Variants in VPS50 observed in about 807,000 individuals in gnomAD.
VPS50 encodes the protein VPS50 subunit of EARP/GARPII complex, also known as syndetin.
In VPS50, 70 loss-of-function variants were observed where a neutral mutation model predicts 139.7. The ratio of observed to expected loss-of-function variants is 0.50; its 90% CI spans 0.41 to 0.61. The LOEUF is 0.61. Among genes scored for constraint, VPS50 ranks in the 20% least tolerant of loss-of-function variants. The pLI, the probability that VPS50 is intolerant of heterozygous loss-of-function variation, is 0.00. For synonymous variants in VPS50, 365 were observed against 376.7 expected (o/e 0.97, Z 0.36); for missense variants, 921 against 1,133.7 (o/e 0.81, Z 2.69).
chr7:93,294,963 C>T (rs548610905), intron 14 of VPS50, among the ~76,000 whole-genome samples: 1 of 152,090 alleles, frequency 6.6e-6, no homozygotes, highest in East Asian at 1.9e-4. Context: ...TTTCATTTAT[C>T]TGTGTTTTCT....
Position 93,276,201 on chromosome 7 carries a change from G to A in VPS50, c.838G>A (p.Ala280Thr), listed in dbSNP as rs763920614. ...MDQLHMHFTQ[A>T]IHNTVFQVVL... ...TCAACTTCATATGCACTTCACCCAA[G>A]CCATTCACAACACCGTGTTTCAAGT... The change falls in exon 12 of 28, where the codon GCC becomes ACC. Residue 280 changes from alanine to threonine, a missense_variant. By Grantham distance (58) the Ala-to-Thr change is moderately conservative (BLOSUM62 0). Transcript: ENST00000305866. 4 of 1,613,252 alleles carry A rather than the reference G, an allele frequency of 2.5e-6. No individual in the cohort carries two copies. Among genetic ancestry groups the A allele is most frequent in the Non-Finnish European group, 2.5e-6 (3 of 1,179,528 alleles).
intron 27 of VPS50, among the ~76,000 whole-genome samples, chr7:93,357,928 C>G (rs73712849): frequency 0.014 from 2,086 of 151,860 alleles, 51 homozygotes; most frequent in African/African-American, 0.046. Context: ...TGTAGAGGGC[C>G]AGAAAAATAC....
At position 93,360,002 on chromosome 7, in the gene VPS50, A is replaced by C. The variant is rs1798800678; in HGVS notation, c.*1566A>C. The C allele has an allele frequency of 6.6e-6, 1 of 152,200 alleles. No homozygotes were observed. The highest frequency in any genetic ancestry group is 2.4e-5 in the African/African-American group (1 of 41,464). 9.4% of individuals were successfully genotyped at this position (152,200 alleles called of 1,614,324 possible). On this transcript the variant is annotated 3_prime_UTR_variant, in exon 28 of 28. Coordinates refer to ENST00000305866, the MANE Select transcript of VPS50 (RefSeq NM_017667.4). ...TGGCTAGATTATATACTTGTGAAGT[A>C]GATTCTGCCTGTAGCCATTATTTAT...
intron 12 of VPS50, among the ~76,000 whole-genome samples, chr7:93,285,050 G>C (rs747852151): frequency 1.8e-4 from 28 of 152,162 alleles, no homozygotes; most frequent in Non-Finnish European, 3.7e-4. Context: ...TTGACCAGCA[G>C]CATATTTTCA....
Position 93,258,227 on chromosome 7 carries a change from G to A in VPS50, c.491G>A (p.Arg164His), listed in dbSNP as rs201400427. ...SLGLLANQRKRQLLIGLLKSL... is the reference protein window; with the variant it reads ...SLGLLANQRKHQLLIGLLKSL... Reference sequence around the variant, plus strand: ...GGCCTTCTTGCAAATCAAAGGAAACGTCAGTTGCTGATTGGACTTCTGAAA... The same window carrying A: ...GGCCTTCTTGCAAATCAAAGGAAACATCAGTTGCTGATTGGACTTCTGAAA... The change falls in exon 7 of 28, where the codon CGT (arginine) becomes CAT (histidine). Residue 164 changes from arginine to histidine, a missense_variant. Physicochemically the swap from Arg to His is conservative, Grantham distance 29. This residue lies in a region of VPS50 where 744 missense variants were observed against 930.6 expected (regional missense o/e 0.80). Coordinates refer to ENST00000305866, the MANE Select transcript of VPS50 (RefSeq NM_017667.4). 3.6e-5 allele frequency: 58 copies of A among 1,601,274 alleles called. No homozygotes were observed. The highest frequency in any genetic ancestry group is 1.1e-4 in the African/African-American group (8 of 74,600).
intron 27 of VPS50, among the ~76,000 whole-genome samples, chr7:93,356,640 A>G (rs899724943): frequency 6.6e-6 from 1 of 152,146 alleles, no homozygotes; most frequent in Non-Finnish European, 1.5e-5. Context: ...GTATGACTAT[A>G]TAGATAACGA....
In VPS50 at chr7:93,354,968, A is replaced by G. The variant is rs575320333; in HGVS notation, c.2586-923A>G. ...GGGAAGATGACAGTGACAAGCTGAC[A>G]ACAGTCGTGGCACTCTGTATTGAAA... On this transcript the variant is annotated intron_variant, in intron 26 of 27. Coordinates refer to ENST00000305866, the MANE Select transcript of VPS50 (RefSeq NM_017667.4). Among the ~76,000 whole-genome samples, 135 of 152,312 alleles carry G rather than the reference A, an allele frequency of 8.9e-4. 2 individuals are homozygous for G. In the South Asian group the frequency reaches 0.012, roughly 14 times the overall value.
chr7:93,279,980 G>A (rs1014014190), intron 12 of VPS50, among the ~76,000 whole-genome samples: 3 of 151,226 alleles, frequency 2.0e-5, no homozygotes, highest in Middle Eastern at 3.2e-3. Context: ...CAGTGAAATT[G>A]AACTAATTAA....
At chr7:93,351,008 T>TG (rs1048747156) in intron 25 of VPS50, among the ~76,000 whole-genome samples, 3 of 152,150 alleles carry the variant, frequency 2.0e-5, no homozygotes, top group Non-Finnish European at 2.9e-5. Flanking sequence ...TGAGAACCAA[T>TG]GAACAGAGCC....
chr7:93,296,810 C>A lies in VPS50; in HGVS notation c.1236C>A (p.Phe412Leu), dbSNP rs1209869771. The change falls in exon 15 of 28, where the codon TTC becomes TTA. Residue 412 changes from phenylalanine to leucine, a missense_variant. By Grantham distance (22) the Phe-to-Leu change is conservative (BLOSUM62 0). Around this residue, in one of 3 missense-constraint regions of VPS50, gnomAD observed 744 missense variants for 930.6 expected, o/e 0.80. Transcript: ENST00000305866. ...TGTCTATATTCAAATATGATGATTT[C>A]ATCTTTGTTTTGGATATAATCAGCA... ...TDLSIFKYDDFIFVLDIISRL... is the reference protein window; with the variant it reads ...TDLSIFKYDDLIFVLDIISRL... The A allele has an allele frequency of 1.2e-6, 2 of 1,603,340 alleles. No individual in the cohort carries two copies. Among genetic ancestry groups the A allele is most frequent in the Non-Finnish European group, 1.7e-6 (2 of 1,177,576 alleles).
intron 20 of VPS50, among the ~76,000 whole-genome samples, chr7:93,311,646 TTC>T (rs1327287383): frequency 1.3e-5 from 2 of 152,148 alleles, no homozygotes; most frequent in Non-Finnish European, 2.9e-5. Context: ...CTTTACCATC[TTC>T]TGTCAGGCAG....
At chr7:93,288,832 C>A (rs1796566977) in intron 12 of VPS50, among the ~76,000 whole-genome samples, 2 of 152,060 alleles carry the variant, frequency 1.3e-5, no homozygotes, top group Non-Finnish European at 2.9e-5. Context: ...GAAAAGTGAA[C>A]ATTTACTAGT....
intron 12 of VPS50, among the ~76,000 whole-genome samples, chr7:93,286,284 G>C (rs910090321): frequency 5.3e-5 from 8 of 152,034 alleles, no homozygotes; most frequent in Non-Finnish European, 1.2e-4. Context: ...TACTTTCATT[G>C]CTATTTTCCA....
intron 17 of VPS50, among the ~76,000 whole-genome samples, chr7:93,303,935 A>G (rs965418135): frequency 1.3e-5 from 2 of 151,796 alleles, no homozygotes; most frequent in East Asian, 3.8e-4. Context: ...TTTGTAGAAT[A>G]TTTTTCATTT....
chr7:93,256,922 T>C (rs1343962996), intron 5 of VPS50, among the ~76,000 whole-genome samples: 1 of 152,120 alleles, frequency 6.6e-6, no homozygotes, highest in Admixed American at 6.6e-5. Context: ...AAATTGGTAC[T>C]GTCTAACTGA....
At chr7:93,299,912 A>C (rs896328970) in intron 16 of VPS50, among the ~76,000 whole-genome samples, 2 of 152,262 alleles carry the variant, frequency 1.3e-5, no homozygotes, top group South Asian at 4.1e-4. Context: ...ATGACATAAA[A>C]ATTAGAGAGC....
At chr7:93,290,812 A>G (rs1414180943) in intron 12 of VPS50, among the ~76,000 whole-genome samples, 1 of 151,968 alleles carries the variant, frequency 6.6e-6, no homozygotes, top group Non-Finnish European at 1.5e-5. Flanking sequence ...TGGGAAGAAA[A>G]AGCCTTTTGA....
At chr7:93,309,816 T>A (rs961971890) in intron 19 of VPS50, among the ~76,000 whole-genome samples, 5 of 152,098 alleles carry the variant, frequency 3.3e-5, no homozygotes, top group Admixed American at 2.0e-4. Flanking sequence ...ATCATACATT[T>A]AGTGACTATA....
At chr7:93,259,204 T>C (rs953190447) in intron 8 of VPS50, among the ~76,000 whole-genome samples, 1 of 152,024 alleles carries the variant, frequency 6.6e-6, no homozygotes, top group African/African-American at 2.4e-5. Context: ...AAACATTTTA[T>C]GTAGGCAGTA....
Sources: gnomAD v4.1 joint callset for allele counts (sites outside exome capture counted in the v4.1 genomes callset) on GRCh38, gnomAD v4.1.1 for gene constraint, gnomAD v4.1.1 regional missense constraint, MANE v1.5 for transcripts, NCBI Gene and HGNC (gene_info 2026-07-23, HGNC 2026-07-21) for gene names.